Variants in POU2F1 observed in about 807,000 individuals in gnomAD.
POU2F1 encodes POU domain, class 2, transcription factor 1.
Under a neutral mutation model 84.9 loss-of-function variants are expected in POU2F1, and 16 were observed. The observed-to-expected ratio is 0.19, with a 90% CI of 0.13 to 0.29. POU2F1 has a LOEUF of 0.29. Ranked by LOEUF, POU2F1 falls within the 10% of genes least tolerant of loss-of-function variation. POU2F1 has a pLI of 1.00. For missense variants in POU2F1, 738 were observed against 942.6 expected, an observed-to-expected ratio of 0.78 and a Z score of 2.84; for synonymous variants, 368 against 368.3, an observed-to-expected ratio of 1.00 and a Z score of 0.01.
intron 1 of POU2F1, among the ~76,000 whole-genome samples, chr1:167,322,591 C>T (rs1254978208): frequency 6.6e-6 from 1 of 152,182 alleles, no homozygotes; most frequent in African/African-American, 2.4e-5. Context: ...GCCAGAAATG[C>T]CCCGGTTTGG....
At chr1:167,320,499 A>C (rs1656233471) in intron 1 of POU2F1, among the ~76,000 whole-genome samples, 1 of 152,240 alleles carries the variant, frequency 6.6e-6, no homozygotes, top group Non-Finnish European at 1.5e-5. Context: ...GAGTTTGCCA[A>C]GTAAGACTAT....
intron 2 of POU2F1, among the ~76,000 whole-genome samples, chr1:167,352,406 T>C (rs1289118357): frequency 2.6e-5 from 4 of 152,240 alleles, no homozygotes; most frequent in Admixed American, 2.6e-4. Context: ...TGTCCCCTTA[T>C]GAGCCTGATC....
chr1:167,328,962 T>C, intron 1 of POU2F1: 1 of 916,880 alleles, frequency 1.1e-6, no homozygotes, highest in Non-Finnish European at 1.3e-6. Context: ...GCAATCTTTG[T>C]TTCTATTTTA....
intron 7 of POU2F1, chr1:167,380,340 T>TTTCTAAATC (rs1367361464): frequency 6.6e-6 from 1 of 152,224 alleles, no homozygotes; most frequent in Non-Finnish European, 1.5e-5. Context: ...CATAGTAACC[T>TTTCTAAATC]TTCTAAATCT....
chr1:167,311,769 A>ATCATTTATTTATTTAT (rs1229728024), intron 1 of POU2F1, among the ~76,000 whole-genome samples: 4 of 107,978 alleles, frequency 3.7e-5, no homozygotes, highest in Middle Eastern at 4.6e-3. Flanking sequence ...ATTACAAAAA[A>ATCATTTATTTATTTAT]TCATTTATTT....
At chr1:167,264,870 C>T (rs184068861) in intron 1 of POU2F1, among the ~76,000 whole-genome samples, 2 of 152,246 alleles carry the variant, frequency 1.3e-5, no homozygotes, top group East Asian at 1.9e-4. Flanking sequence ...CCATTTTACT[C>T]GGAGTAAATC....
chr1:167,369,579 T>C (rs760570054), intron 3 of POU2F1, among the ~76,000 whole-genome samples: 7 of 152,184 alleles, frequency 4.6e-5, no homozygotes, highest in Non-Finnish European at 7.4e-5. Context: ...ATGTATGAAA[T>C]GTATTAAATG....
chr1:167,230,089 G>T (rs1648943971), intron 1 of POU2F1, among the ~76,000 whole-genome samples: 1 of 152,150 alleles, frequency 6.6e-6, no homozygotes, highest in Non-Finnish European at 1.5e-5. Flanking sequence ...TTGGGAGGAT[G>T]GCTATAATTT....
intron 15 of POU2F1, chr1:167,414,393 A>G (rs1471638165): frequency 2.0e-6 from 2 of 985,260 alleles, no homozygotes; most frequent in South Asian, 4.7e-5. Flanking sequence ...TTCAAGCTGC[A>G]CTGTCTCACT....
intron 2 of POU2F1, chr1:167,337,940 T>A: frequency 2.7e-6 from 1 of 368,980 alleles, no homozygotes; most frequent in Non-Finnish European, 5.3e-6. Flanking sequence ...CTATATCCTA[T>A]TAAAGACTGC....
intron 1 of POU2F1, among the ~76,000 whole-genome samples, chr1:167,272,628 G>T (rs941554713): frequency 6.6e-6 from 1 of 152,016 alleles, no homozygotes; most frequent in African/African-American, 2.4e-5. Context: ...AGTAGGAGGG[G>T]CTACACACTT....
At chr1:167,309,379 T>C (rs1325685953) in intron 1 of POU2F1, among the ~76,000 whole-genome samples, 2 of 152,204 alleles carry the variant, frequency 1.3e-5, no homozygotes, top group African/African-American at 2.4e-5. Context: ...CTAGTTTTTT[T>C]CTCTGTTTAA....
At chr1:167,253,117 A>T (rs1319825168) in intron 1 of POU2F1, among the ~76,000 whole-genome samples, 1 of 152,258 alleles carries the variant, frequency 6.6e-6, no homozygotes, top group Admixed American at 6.5e-5. Flanking sequence ...CTGTTGAAAT[A>T]CTTGTGAAAC....
intron 2 of POU2F1, 107 bp downstream of exon 2, chr1:167,332,642 A>T (rs1324598855): frequency 1.5e-5 from 12 of 792,948 alleles, no homozygotes; most frequent in Non-Finnish European, 1.4e-5. Context: ...CAATTTGAGT[A>T]TTGAGTTGTC....
intron 1 of POU2F1, among the ~76,000 whole-genome samples, chr1:167,260,514 C>T (rs1320303812): frequency 6.6e-6 from 1 of 152,056 alleles, no homozygotes; most frequent in African/African-American, 2.4e-5. Context: ...CCTTAGTCTA[C>T]CTGGAGTTGA....
At chr1:167,351,519 C>CAAAAAA (rs34170498) in intron 2 of POU2F1, among the ~76,000 whole-genome samples, 221 of 45,162 alleles carry the variant, frequency 4.9e-3, no homozygotes, top group Middle Eastern at 0.017. Flanking sequence ...AGCACCATCT[C>CAAAAAA]AAAAAAAAAA....
chr1:167,328,983 A>T, intron 1 of POU2F1: 2 of 994,976 alleles, frequency 2.0e-6, no homozygotes, highest in Non-Finnish European at 2.4e-6. Context: ...TTACAAAAAG[A>T]GGAACTTTTT....
At chr1:167,387,378 T>C (rs1457569501) in intron 8 of POU2F1, 3 of 369,300 alleles carry the variant, frequency 8.1e-6, no homozygotes, top group Admixed American at 3.2e-5. Flanking sequence ...AATGTACAGC[T>C]ACATAGGGGT....
At position 167,230,347 on chromosome 1, in the gene POU2F1, T is replaced by C. The variant is rs566131021; in HGVS notation, c.61+9389T>C. Among the ~76,000 whole-genome samples the C allele has an allele frequency of 3.9e-5, 6 of 152,302 alleles. No homozygotes were observed. The South Asian group carries it at 1.2e-3, about 32-fold the overall frequency. On this transcript the variant is annotated intron_variant, in intron 1 of 15. Transcript: ENST00000367866. ...CTGTCACTAATTAGCTTAGTAACTT[T>C]AGGACAAGTTACTTCACCATGGATT...
Sources: allele counts gnomAD v4.1 joint callset (sites outside exome capture counted in the v4.1 genomes callset), GRCh38; gene constraint gnomAD v4.1.1; transcripts MANE v1.5; gene names NCBI Gene and HGNC (gene_info 2026-07-23, HGNC 2026-07-21).